BAG4: variants seen among roughly 807,000 people sequenced by gnomAD.
BAG4 encodes the protein BAG family molecular chaperone regulator 4.
A neutral mutation model predicts 52.1 loss-of-function variants in BAG4; 28 were observed. The observed-to-expected ratio is 0.54, with a 90% CI of 0.40 to 0.74. The LOEUF (loss-of-function observed/expected upper bound fraction) is 0.74, where lower values mean the gene tolerates loss of function less well. BAG4 is among the 30% of genes least tolerant of loss of function. BAG4 has a pLI of 0.00. For missense variants in BAG4, 525 were observed against 572.0 expected (o/e 0.92, Z 0.84); for synonymous variants, 208 against 217.0 (o/e 0.96, Z 0.37).
intron 3 of BAG4, among the ~76,000 whole-genome samples, chr8:38,208,299 G>A (rs1585667890): frequency 7.4e-6 from 1 of 135,526 alleles, no homozygotes; most frequent in African/African-American, 2.7e-5. Context: ...TTAGCACCCT[G>A]TTAGGTTCTT....
intron 2 of BAG4, among the ~76,000 whole-genome samples, chr8:38,201,196 A>T (rs1803656741): frequency 6.6e-6 from 1 of 152,262 alleles, no homozygotes; most frequent in Non-Finnish European, 1.5e-5. Context: ...GATACAACAT[A>T]CAAGTTGTTG....
intron 1 of BAG4, among the ~76,000 whole-genome samples, chr8:38,183,050 T>C (rs1282059700): frequency 1.4e-5 from 2 of 145,110 alleles, no homozygotes; most frequent in Non-Finnish European, 3.0e-5. Flanking sequence ...TTTTTTTTTT[T>C]TTTTTTTTTT....
At chr8:38,197,386 T>C (rs566376451) in intron 2 of BAG4, among the ~76,000 whole-genome samples, 1 of 152,338 alleles carries the variant, frequency 6.6e-6, no homozygotes, top group African/African-American at 2.4e-5. Context: ...CTGTAAGCAA[T>C]TGTAACACCA....
Position 38,176,993 on chromosome 8 carries a change from G to A in BAG4, c.124G>A (p.Glu42Lys). The A allele has an allele frequency of 1.3e-6, 2 of 1,595,300 alleles. No individual in the cohort carries two copies. The highest frequency in any genetic ancestry group is 1.1e-5 in the South Asian group (1 of 88,330). ...PPPPLYPLRP[E>K]PPQPPISWRV... is the part of the protein sequence containing the mutation. ...TCCACCCTTATATCCTCTTCGCCCT[G>A]AACCTCCCCAGCCTCCCATTTCCTG... The change falls in exon 1 of 5, where the codon GAA becomes AAA. Residue 42 changes from glutamate to lysine, a missense_variant. Glu to Lys is a moderately conservative substitution (Grantham distance 56, BLOSUM62 1). This residue lies in a region of BAG4 where 287 missense variants were observed against 266.1 expected (regional missense o/e 1.08). Transcript: ENST00000287322.
intron 2 of BAG4, among the ~76,000 whole-genome samples, chr8:38,193,740 ATTT>A (rs1307318707): frequency 2.2e-5 from 2 of 90,796 alleles, no homozygotes; most frequent in East Asian, 3.0e-4. Flanking sequence ...TAATTTTTTG[ATTT>A]TTTTTTTTTT....
intron 2 of BAG4, among the ~76,000 whole-genome samples, chr8:38,200,224 CT>C (rs991171991): frequency 6.6e-6 from 1 of 151,936 alleles, no homozygotes; most frequent in Non-Finnish European, 1.5e-5. Context: ...ACAGGCTGAT[CT>C]GGATCGCCTG....
At chr8:38,183,209 T>G (rs1803303586) in intron 1 of BAG4, among the ~76,000 whole-genome samples, 1 of 152,004 alleles carries the variant, frequency 6.6e-6, no homozygotes, top group Admixed American at 6.6e-5. Context: ...CAGGCCTGGC[T>G]AATTTTTTTT....
In BAG4 at chr8:38,210,410, C is replaced by CAGG; in HGVS notation, c.1293_1295dup (p.Gln431_Asp432insGlu). The CAGG allele has an allele frequency of 6.2e-7, 1 of 1,613,862 alleles. No homozygotes were observed. The highest frequency in any genetic ancestry group is 8.5e-7 in the Non-Finnish European group (1 of 1,179,982). On this transcript the variant is annotated inframe_insertion, in exon 5 of 5. Coordinates refer to ENST00000287322, the MANE Select transcript of BAG4 (RefSeq NM_004874.4). ...ACTGGATTCAGTTGAAACTGGGGGC[C>CAGG]AGGACTCTGTACGGCAGGCCAGAAA...
intron 2 of BAG4, among the ~76,000 whole-genome samples, chr8:38,195,726 G>A (rs1406024783): frequency 6.6e-6 from 1 of 152,150 alleles, no homozygotes; most frequent in Non-Finnish European, 1.5e-5. Context: ...CTGAAATTGA[G>A]AAGTAGACAT....
intron 1 of BAG4, among the ~76,000 whole-genome samples, chr8:38,187,464 C>T (rs1296973110): frequency 1.3e-5 from 2 of 152,034 alleles, no homozygotes; most frequent in Admixed American, 6.6e-5. Context: ...ATTGAACACA[C>T]CAGCATATCA....
intron 4 of BAG4, 36 bp from the exon 5 acceptor site, chr8:38,209,972 A>G (rs1424331433): frequency 6.3e-7 from 1 of 1,596,248 alleles, no homozygotes; most frequent in Non-Finnish European, 8.5e-7. Context: ...TCCCATTAAA[A>G]CAGCTCTTTT....
At position 38,212,769 on chromosome 8, in the gene BAG4, A is replaced by G. The variant is rs2130696837; in HGVS notation, c.*2276A>G. The G allele has an allele frequency of 6.6e-6, 1 of 152,314 alleles. No homozygotes were observed. Among genetic ancestry groups the G allele is most frequent in the Non-Finnish European group, 1.5e-5 (1 of 68,030 alleles). 9.4% of individuals were successfully genotyped at this position (152,314 alleles called of 1,614,324 possible). On this transcript the variant is annotated 3_prime_UTR_variant, in exon 5 of 5. Transcript: ENST00000287322. Reference sequence around the variant, plus strand: ...AACTTACTGTGTTTTCCTTGTAATTATTGAATATTTGCTGGAGATACCCGG... The same window carrying G: ...AACTTACTGTGTTTTCCTTGTAATTGTTGAATATTTGCTGGAGATACCCGG...
intron 1 of BAG4, among the ~76,000 whole-genome samples, chr8:38,187,220 G>A (rs1255551936): frequency 6.6e-6 from 1 of 152,134 alleles, no homozygotes; most frequent in African/African-American, 2.4e-5. Context: ...GTGTGATAAT[G>A]TCATGTCAAA....
At chr8:38,198,483 GTTTGTTT>G (rs1358655857) in intron 2 of BAG4, among the ~76,000 whole-genome samples, 3 of 121,336 alleles carry the variant, frequency 2.5e-5, no homozygotes, top group African/African-American at 6.4e-5. Context: ...TTTGTTTTTT[GTTTGTTT>G]TTTGTTTTTT....
intron 4 of BAG4, 104 bp from the exon 5 acceptor site, chr8:38,209,904 T>TCA: frequency 6.9e-7 from 1 of 1,445,182 alleles, no homozygotes; most frequent in Admixed American, 2.1e-5. Flanking sequence ...GGGAATCTTT[T>TCA]CATGTACCTT....
intron 1 of BAG4, among the ~76,000 whole-genome samples, chr8:38,190,104 T>A (rs532468390): frequency 6.6e-6 from 1 of 152,162 alleles, no homozygotes; most frequent in Admixed American, 6.6e-5. Flanking sequence ...TTTTTACTTA[T>A]GTGAGTTTGT....
intron 2 of BAG4, among the ~76,000 whole-genome samples, chr8:38,198,497 T>G (rs1413518128): frequency 6.7e-6 from 1 of 150,022 alleles, no homozygotes; most frequent in Non-Finnish European, 1.5e-5. Context: ...GTTTTTTGTT[T>G]TTTTTTTTTG....
intron 1 of BAG4, among the ~76,000 whole-genome samples, chr8:38,177,420 C>T (rs1190011856): frequency 6.6e-6 from 1 of 152,340 alleles, no homozygotes; most frequent in Non-Finnish European, 1.5e-5. Flanking sequence ...GATCTCTCTC[C>T]TGGGAGCGGT....
At chr8:38,184,890 A>G (rs1159439047) in intron 1 of BAG4, among the ~76,000 whole-genome samples, 1 of 152,148 alleles carries the variant, frequency 6.6e-6, no homozygotes, top group Non-Finnish European at 1.5e-5. Flanking sequence ...GGAGATCGAG[A>G]CCATCCTGGC....
Sources: gnomAD v4.1 joint callset for allele counts (sites outside exome capture counted in the v4.1 genomes callset) on GRCh38, gnomAD v4.1.1 for gene constraint, gnomAD v4.1.1 regional missense constraint, MANE v1.5 for transcripts, NCBI Gene and HGNC (gene_info 2026-07-23, HGNC 2026-07-21) for gene names.